The following NKAIN2 variants were observed in gnomAD, a reference collection of about 807,000 sequenced individuals.
NKAIN2 encodes sodium/potassium-transporting ATPase subunit beta-1-interacting protein 2.
NKAIN2 carries 14 observed loss-of-function variants against 32.6 expected under a neutral mutation model. The observed-to-expected ratio is 0.43, with a 90% CI of 0.28 to 0.67. NKAIN2 has a LOEUF of 0.67. NKAIN2 is among the 30% of genes least tolerant of loss of function. NKAIN2 has a pLI of 0.17. For missense variants in NKAIN2, 198 were observed against 258.3 expected, an observed-to-expected ratio of 0.77 and a Z score of 1.60; for synonymous variants, 80 against 87.2, an observed-to-expected ratio of 0.92 and a Z score of 0.46.
chr6:124,377,253 C>A (rs1800033202), intron 3 of NKAIN2, among the ~76,000 whole-genome samples: 1 of 152,178 alleles, frequency 6.6e-6, no homozygotes, highest in Non-Finnish European at 1.5e-5. Context: ...TCTACTATTT[C>A]TTTCTTCCTT....
chr6:124,674,517 A>G (rs958858770), intron 4 of NKAIN2, among the ~76,000 whole-genome samples: 3 of 151,882 alleles, frequency 2.0e-5, no homozygotes, highest in African/African-American at 7.2e-5. Context: ...CCATTTATTT[A>G]TATCTTCTTT....
intron 1 of NKAIN2, among the ~76,000 whole-genome samples, chr6:124,204,326 T>C (rs1418000234): frequency 6.6e-6 from 1 of 151,836 alleles, no homozygotes; most frequent in African/African-American, 2.4e-5. Context: ...AATAACTTCA[T>C]ATTAAGACAT....
intron 1 of NKAIN2, among the ~76,000 whole-genome samples, chr6:124,044,557 A>G (rs1367029966): frequency 6.6e-6 from 1 of 152,056 alleles, no homozygotes; most frequent in Non-Finnish European, 1.5e-5. Context: ...TCTGAGGACT[A>G]TAGCCATTCA....
At chr6:124,676,588 T>C (rs1773366403) in intron 4 of NKAIN2, among the ~76,000 whole-genome samples, 1 of 152,118 alleles carries the variant, frequency 6.6e-6, no homozygotes, top group Non-Finnish European at 1.5e-5. Context: ...TCTTTGTCTC[T>C]TGTGACTATT....
intron 3 of NKAIN2, among the ~76,000 whole-genome samples, chr6:124,616,467 T>C (rs1583526348): frequency 5.2e-5 from 1 of 19,298 alleles, no homozygotes; most frequent in African/African-American, 1.2e-4. Flanking sequence ...TTTTTTTTTT[T>C]TTTTTTTTTT....
At chr6:124,455,360 A>G (rs977866885) in intron 3 of NKAIN2, among the ~76,000 whole-genome samples, 1 of 152,030 alleles carries the variant, frequency 6.6e-6, no homozygotes, top group Admixed American at 6.6e-5. Flanking sequence ...AACTCCTAAA[A>G]CAAAGGTACT....
At chr6:124,313,570 T>C (rs1796811012) in intron 2 of NKAIN2, among the ~76,000 whole-genome samples, 2 of 152,138 alleles carry the variant, frequency 1.3e-5, no homozygotes, top group African/African-American at 4.8e-5. Flanking sequence ...TTCTGCCCTC[T>C]TCCTTGCTAT....
At chr6:124,532,150 C>T (rs1779548955) in intron 3 of NKAIN2, among the ~76,000 whole-genome samples, 1 of 152,158 alleles carries the variant, frequency 6.6e-6, no homozygotes, top group South Asian at 2.1e-4. Context: ...ATTGCTGGAA[C>T]AAGCCGTGGA....
At chr6:124,134,616 G>A (rs554362916) in intron 1 of NKAIN2, among the ~76,000 whole-genome samples, 6 of 152,200 alleles carry the variant, frequency 3.9e-5, no homozygotes, top group South Asian at 4.1e-4. Flanking sequence ...CCCAGTAGGC[G>A]GAGGCTGCAG....
intron 1 of NKAIN2, among the ~76,000 whole-genome samples, chr6:124,009,842 T>G (rs1486381919): frequency 1.3e-5 from 2 of 152,152 alleles, no homozygotes; most frequent in South Asian, 4.1e-4. Context: ...CCCATATACA[T>G]ATGAGATTTA....
intron 2 of NKAIN2, among the ~76,000 whole-genome samples, chr6:124,290,835 C>T (rs1395796456): frequency 2.0e-5 from 3 of 151,738 alleles, no homozygotes; most frequent in Admixed American, 6.6e-5. Context: ...TTATCCAGTC[C>T]GTTTATATTT....
chr6:123,865,158 T>C lies in NKAIN2; in HGVS notation c.54+60904T>C, dbSNP rs150832947. Among the ~76,000 whole-genome samples the C allele has an allele frequency of 2.1e-3, 314 of 152,282 alleles. 1 individual carries two copies. The highest frequency in any genetic ancestry group is 7.3e-3 in the African/African-American group (304 of 41,584). On this transcript the variant is annotated intron_variant, in intron 1 of 6. Transcript: ENST00000368417. ...ACACAGCTTCTTTCAATGTGAGCAA[T>C]ACATTGCTACTGACAAATTAATATA...
At chr6:124,797,189 A>T (rs1227637307) in intron 5 of NKAIN2, among the ~76,000 whole-genome samples, 1 of 151,516 alleles carries the variant, frequency 6.6e-6, no homozygotes, top group Non-Finnish European at 1.5e-5. Flanking sequence ...AAAAAAAAAA[A>T]AAATCATCAT....
chr6:124,427,084 G>A (rs1775015298), intron 3 of NKAIN2, among the ~76,000 whole-genome samples: 1 of 152,084 alleles, frequency 6.6e-6, no homozygotes, highest in Non-Finnish European at 1.5e-5. Flanking sequence ...AACCATTTTG[G>A]AAAGCAATTC....
At chr6:124,763,888 C>T (rs1778384463) in intron 4 of NKAIN2, among the ~76,000 whole-genome samples, 1 of 152,088 alleles carries the variant, frequency 6.6e-6, no homozygotes, top group African/African-American at 2.4e-5. Flanking sequence ...AAAGCATTTG[C>T]TTCCCTCAAA....
chr6:124,521,208 A>T (rs893991651), intron 3 of NKAIN2, among the ~76,000 whole-genome samples: 2 of 152,180 alleles, frequency 1.3e-5, no homozygotes, highest in Non-Finnish European at 2.9e-5. Flanking sequence ...CCTTGTTCCC[A>T]TCACTGTTCC....
chr6:124,056,537 C>T (rs9285453), intron 1 of NKAIN2, among the ~76,000 whole-genome samples: 25,985 of 151,750 alleles, frequency 0.17, 2,673 homozygotes, highest in African/African-American at 0.28. Context: ...CAGTGCATAA[C>T]ACAGACTCTC....
At chr6:123,982,230 T>G (rs146034953) in intron 1 of NKAIN2, among the ~76,000 whole-genome samples, 1 of 152,294 alleles carries the variant, frequency 6.6e-6, no homozygotes, top group African/African-American at 2.4e-5. Flanking sequence ...ATTCTAGGGA[T>G]TTCTTGACAG....
At chr6:124,542,219 A>G (rs1332229722) in intron 3 of NKAIN2, among the ~76,000 whole-genome samples, 1 of 152,128 alleles carries the variant, frequency 6.6e-6, no homozygotes, top group East Asian at 1.9e-4. Context: ...CAACTATACC[A>G]TTCATTCTGA....
Sources: gnomAD v4.1 joint callset for allele counts (sites outside exome capture counted in the v4.1 genomes callset) on GRCh38, gnomAD v4.1.1 for gene constraint, MANE v1.5 for transcripts, NCBI Gene and HGNC (gene_info 2026-07-23, HGNC 2026-07-21) for gene names.